SNRNP40: variants seen among roughly 807,000 people sequenced by gnomAD.
The protein encoded by SNRNP40 is small nuclear ribonucleoprotein U5 subunit 40.
A neutral mutation model predicts 45.8 loss-of-function variants in SNRNP40; 21 were observed. The observed-to-expected ratio is 0.46, with a 90% confidence interval of 0.32 to 0.66. The LOEUF (loss-of-function observed/expected upper bound fraction) is 0.66. Among genes scored for constraint, SNRNP40 ranks in the 30% least tolerant of loss-of-function variants. The pLI, the probability that SNRNP40 is intolerant of heterozygous loss-of-function variation, is 0.03. For synonymous variants in SNRNP40, 142 were observed against 163.8 expected (o/e 0.87, Z 1.01); for missense variants, 344 against 439.1 (o/e 0.78, Z 1.94).
At chr1:31,276,123 G>A (rs1385855819) in intron 5 of SNRNP40, among the ~76,000 whole-genome samples, 1 of 152,072 alleles carries the variant, frequency 6.6e-6, no homozygotes, top group Non-Finnish European at 1.5e-5. Context: ...TCCCTGCCAC[G>A]GTGCTAGGAA....
intron 4 of SNRNP40, among the ~76,000 whole-genome samples, chr1:31,287,115 T>C (rs1646065329): frequency 1.3e-5 from 2 of 152,222 alleles, no homozygotes; most frequent in South Asian, 4.1e-4. Flanking sequence ...AAAAGCAACA[T>C]GACTTTTTTT....
At position 31,296,691 on chromosome 1, in the gene SNRNP40, G is replaced by T. The variant is rs573991899; in HGVS notation, c.61C>A (p.Arg21=). The T allele has an allele frequency of 2.5e-5, 41 of 1,613,796 alleles. No homozygotes were observed. The highest frequency in any genetic ancestry group is 3.5e-5 in the Non-Finnish European group (41 of 1,179,868). Reference sequence around the variant, plus strand: ...CCCGCTCCCAACAGCAACTCATGCCGCTGCCGCTTGACTGGAACCAGCGGC... The same window carrying T: ...CCCGCTCCCAACAGCAACTCATGCCTCTGCCGCTTGACTGGAACCAGCGGC... ...ELPLVPVKRQ[R]HELLLGAGSG... is the part of the protein sequence containing the mutation. The change falls in exon 1 of 10, where the codon CGG becomes AGG. Residue 21 remains arginine, a synonymous_variant. Coordinates refer to ENST00000263694, the MANE Select transcript of SNRNP40 (RefSeq NM_004814.3).
At chr1:31,276,626 C>G (rs549726408) in intron 5 of SNRNP40, among the ~76,000 whole-genome samples, 36 of 152,268 alleles carry the variant, frequency 2.4e-4, no homozygotes, top group African/African-American at 8.2e-4. Flanking sequence ...TGGCTCATGC[C>G]TGTAATCCCA....
chr1:31,263,530 TA>T, intron 8 of SNRNP40: 1 of 409,816 alleles, frequency 2.4e-6, no homozygotes, highest in African/African-American at 2.1e-5. Context: ...ACTCTGTTCC[TA>T]ATCCTCTGAG....
intron 8 of SNRNP40, among the ~76,000 whole-genome samples, chr1:31,267,545 T>G (rs922362524): frequency 1.3e-5 from 2 of 152,164 alleles, no homozygotes; most frequent in Non-Finnish European, 2.9e-5. Context: ...ATTGTTTTTT[T>G]TTTGGAGATG....
intron 9 of SNRNP40, 37 bp from the exon 10 acceptor site, chr1:31,260,158 G>C: frequency 6.9e-7 from 1 of 1,457,760 alleles, no homozygotes; most frequent in South Asian, 1.3e-5. Flanking sequence ...AAATAATGAA[G>C]GCTCAAGGAG....
intron 3 of SNRNP40, among the ~76,000 whole-genome samples, chr1:31,290,696 T>C (rs1646098970): frequency 3.3e-5 from 5 of 151,578 alleles, no homozygotes. Flanking sequence ...GCTAACACGG[T>C]GAAACCCCAT....
chr1:31,287,253 A>G (rs530307615), intron 4 of SNRNP40, among the ~76,000 whole-genome samples: 1 of 152,340 alleles, frequency 6.6e-6, no homozygotes, highest in South Asian at 2.1e-4. Context: ...TGATGCCTTA[A>G]ATATAAATAT....
chr1:31,278,469 T>C (rs368613586), intron 5 of SNRNP40, among the ~76,000 whole-genome samples: 1 of 152,186 alleles, frequency 6.6e-6, no homozygotes, highest in South Asian at 2.1e-4. Context: ...TAAATTTACA[T>C]GTCTTGAAAA....
At chr1:31,285,291 T>C (rs1364053974) in intron 4 of SNRNP40, among the ~76,000 whole-genome samples, 5 of 151,818 alleles carry the variant, frequency 3.3e-5, no homozygotes, top group Non-Finnish European at 7.4e-5. Flanking sequence ...TTGCTCATTC[T>C]GGAGTGCAGT....
At chr1:31,295,889 AG>A (rs1646149167) in intron 1 of SNRNP40, among the ~76,000 whole-genome samples, 1 of 152,258 alleles carries the variant, frequency 6.6e-6, no homozygotes, top group Non-Finnish European at 1.5e-5. Flanking sequence ...CGGTGCCAGC[AG>A]GATTTATTGA....
Position 31,269,153 on chromosome 1 carries a change from C to T in SNRNP40, c.858+5G>A, listed in dbSNP as rs767181194. ...AGTAAAACTCCTCTGCCATGCAGAA[C>T]TCACCTTTTCAAAGTTGTGCACATT... On this transcript the variant is annotated splice_donor_5th_base_variant and intron_variant, in intron 7 of 9. Transcript: ENST00000263694. The T allele has an allele frequency of 1.9e-6, 3 of 1,595,046 alleles. No individual in the cohort carries two copies. Among genetic ancestry groups the T allele is most frequent in the East Asian group, 4.5e-5 (2 of 44,426 alleles).
chr1:31,280,518 T>C (rs1646008445), intron 5 of SNRNP40, among the ~76,000 whole-genome samples: 2 of 151,474 alleles, frequency 1.3e-5, no homozygotes, highest in African/African-American at 2.4e-5. Context: ...GGGATGGAAA[T>C]ACAGTACAAC....
intron 8 of SNRNP40, among the ~76,000 whole-genome samples, chr1:31,265,730 C>A (rs1645891559): frequency 6.6e-6 from 1 of 152,056 alleles, no homozygotes; most frequent in South Asian, 2.1e-4. Context: ...GTCCCAGCTA[C>A]TCGGGAGTCT....
At chr1:31,285,142 T>C (rs1029499443) in intron 4 of SNRNP40, among the ~76,000 whole-genome samples, 2 of 152,212 alleles carry the variant, frequency 1.3e-5, no homozygotes, top group Non-Finnish European at 2.9e-5. Flanking sequence ...TTATTTTACT[T>C]TGAAGCAATC....
At chr1:31,287,330 TA>T (rs1646067224) in intron 4 of SNRNP40, among the ~76,000 whole-genome samples, 3 of 152,086 alleles carry the variant, frequency 2.0e-5, no homozygotes, top group Admixed American at 2.0e-4. Flanking sequence ...TACTGCTTAT[TA>T]AAAAAAGTAT....
In SNRNP40 at chr1:31,259,855, C is replaced by G. The variant is rs1311275774; in HGVS notation, c.*217G>C. ...GAAAAAAAAAAACAGTCCCTGAAAT[C>G]TGGCAGGTGGTTTTTAGAGGCCACA... On this transcript the variant is annotated 3_prime_UTR_variant, in exon 10 of 10. Transcript: ENST00000263694. 2.4e-5 allele frequency: 16 copies of G among 674,840 alleles called. No individual in the cohort carries two copies. The highest frequency in any genetic ancestry group is 3.8e-5 in the Non-Finnish European group (14 of 368,734). 41.8% of individuals were successfully genotyped at this position (674,840 alleles called of 1,614,324 possible).
intron 5 of SNRNP40, among the ~76,000 whole-genome samples, chr1:31,273,951 A>C (rs977473684): frequency 1.3e-5 from 2 of 151,994 alleles, no homozygotes; most frequent in African/African-American, 4.8e-5. Context: ...TGGAAGAAGG[A>C]AGTTTTTTTT....
At chr1:31,284,242 G>A (rs1001704230) in intron 4 of SNRNP40, among the ~76,000 whole-genome samples, 5 of 152,188 alleles carry the variant, frequency 3.3e-5, no homozygotes, top group African/African-American at 7.2e-5. Context: ...CTCTGCTTCC[G>A]TGTTCCAGCA....
Sources: allele counts gnomAD v4.1 joint callset (sites outside exome capture counted in the v4.1 genomes callset), GRCh38; gene constraint gnomAD v4.1.1; transcripts MANE v1.5; gene names NCBI Gene and HGNC (gene_info 2026-07-23, HGNC 2026-07-21).